Variants in FRMD7 observed in about 807,000 individuals in gnomAD.
The protein encoded by FRMD7 is FERM domain containing 7, also known as FERM domain-containing protein 7.
In FRMD7, 14 loss-of-function variants were observed where a neutral mutation model predicts 44.1. That is an observed-to-expected ratio of 0.32 (90% CI 0.21 to 0.50). The LOEUF (loss-of-function observed/expected upper bound fraction) is 0.50. Among genes scored for constraint, FRMD7 ranks in the 20% least tolerant of loss-of-function variants. FRMD7 has a pLI of 0.99. For missense variants in FRMD7, 501 were observed against 522.3 expected (o/e 0.96, Z 0.40); for synonymous variants, 212 against 187.4 (o/e 1.13, Z -1.07).
intron 1 of FRMD7, among the ~76,000 whole-genome samples, chrX:132,109,089 C>G (rs1479163664): frequency 6.2e-5 from 7 of 112,137 alleles, no homozygotes; most frequent in Non-Finnish European, 1.3e-4. Context: ...TATTCAAGAT[C>G]TGCAATATTT....
intron 1 of FRMD7, among the ~76,000 whole-genome samples, chrX:132,102,193 C>T (rs935869857): frequency 9.0e-6 from 1 of 110,885 alleles, no homozygotes; most frequent in Non-Finnish European, 1.9e-5. Flanking sequence ...ACCCGCTTCC[C>T]CCACCGTCCA....
chrX:132,078,157 T>G lies in FRMD7; in HGVS notation c.1860A>C (p.Ala620=). 4 of 1,211,684 alleles carry G rather than the reference T, an allele frequency of 3.3e-6. No homozygotes were observed. The highest frequency in any genetic ancestry group is 4.5e-6 in the Non-Finnish European group (4 of 895,209). ...LGPCPALSHK[A]DLFTDMFAEQ... ...CTGCAAACATATCCGTAAACAGGTC[T>G]GCTTTATGACTGAGAGCAGGACAAG... The change falls in exon 12 of 12, where the codon GCA becomes GCC. Residue 620 remains alanine, a synonymous_variant. Coordinates refer to ENST00000298542, the MANE Select transcript of FRMD7 (RefSeq NM_194277.3).
chrX:132,111,213 T>A (rs1928769893), intron 1 of FRMD7, among the ~76,000 whole-genome samples: 1 of 112,373 alleles, frequency 8.9e-6, no homozygotes, highest in Non-Finnish European at 1.9e-5. Flanking sequence ...GTCCAGCACC[T>A]GGCATTTTCT....
chrX:132,084,393 G>A, intron 8 of FRMD7, 97 bp downstream of exon 8: 1 of 573,196 alleles, frequency 1.7e-6, no homozygotes, highest in Non-Finnish European at 3.1e-6. Flanking sequence ...CTCAGGGCCA[G>A]CCGGCTTTTA....
intron 1 of FRMD7, among the ~76,000 whole-genome samples, chrX:132,104,943 G>A (rs1928607038): frequency 8.9e-6 from 1 of 112,307 alleles, no homozygotes; most frequent in Admixed American, 9.4e-5. Context: ...AATGGCAAGA[G>A]TTGTTTCTAT....
At chrX:132,081,707 AAAG>A (rs1414496536) in intron 9 of FRMD7, among the ~76,000 whole-genome samples, 2 of 112,866 alleles carry the variant, frequency 1.8e-5, no homozygotes, top group Non-Finnish European at 3.7e-5. Flanking sequence ...TACCTAGCTA[AAAG>A]TTTTGAAAAC....
chrX:132,089,358 G>T (rs1265335093), intron 5 of FRMD7, among the ~76,000 whole-genome samples: 1 of 111,972 alleles, frequency 8.9e-6, no homozygotes, highest in Non-Finnish European at 1.9e-5. Context: ...CAAAAAAATA[G>T]CTCAAAATGG....
In FRMD7 at chrX:132,078,498, T is replaced by C; in HGVS notation, c.1519A>G (p.Arg507Gly). ...FYVDKPPQVP[R>G]WSPIRAEERT... ...TCCTCTGCTCTAATTGGGGACCATC[T>C]GGGCACCTGGGGTGGCTTGTCCACA... The change falls in exon 12 of 12, where the codon AGA becomes GGA. Residue 507 changes from arginine to glycine, a missense_variant. Arg to Gly is a moderately radical substitution (Grantham distance 125, BLOSUM62 -2). Coordinates refer to ENST00000298542, the MANE Select transcript of FRMD7 (RefSeq NM_194277.3). The C allele has an allele frequency of 8.3e-7, 1 of 1,210,638 alleles. No individual in the cohort carries two copies.
At chrX:132,087,471 A>G (rs1602801726) in intron 5 of FRMD7, among the ~76,000 whole-genome samples, 1 of 111,358 alleles carries the variant, frequency 9.0e-6, no homozygotes, top group East Asian at 2.8e-4. Flanking sequence ...AAAAATCACA[A>G]TATAATAAAA....
At chrX:132,091,725 C>T (rs1181693459) in intron 5 of FRMD7, among the ~76,000 whole-genome samples, 1 of 107,289 alleles carries the variant, frequency 9.3e-6, no homozygotes, top group African/African-American at 3.4e-5. Context: ...ATCCCAGCTA[C>T]TCAGGAGGTT....
chrX:132,090,933 T>C (rs951855935), intron 5 of FRMD7, among the ~76,000 whole-genome samples: 2 of 110,800 alleles, frequency 1.8e-5, no homozygotes, highest in Admixed American at 9.6e-5. Flanking sequence ...AGGTGACAAA[T>C]GTTATAAGCA....
intron 5 of FRMD7, among the ~76,000 whole-genome samples, chrX:132,091,795 A>C (rs1015005292): frequency 9.0e-6 from 1 of 111,340 alleles, no homozygotes; most frequent in African/African-American, 3.3e-5. Flanking sequence ...AGATCGCCCC[A>C]CTGCACTCCA....
At chrX:132,079,048 G>T in intron 11 of FRMD7, 82 bp from the exon 12 acceptor site, 1 of 809,754 alleles carries the variant, frequency 1.2e-6, no homozygotes, top group Non-Finnish European at 1.9e-6. Context: ...TAGCCTCAAA[G>T]TTTGAAAGGT....
In FRMD7 at chrX:132,094,124, A is replaced by C; in HGVS notation, c.300T>G (p.Leu100=). ...REELTRYLFT[L]QIKKDLALGR... ...CTAGAGCCAAATCCTTCTTTATTTGAAGAGTAAAAAGATACCTGCAAAGAA... is the reference window on the plus strand; with the variant it reads ...CTAGAGCCAAATCCTTCTTTATTTGCAGAGTAAAAAGATACCTGCAAAGAA... The change falls in exon 5 of 12, where the codon CTT becomes CTG. Residue 100 remains leucine, a synonymous_variant. Coordinates refer to ENST00000298542, the MANE Select transcript of FRMD7 (RefSeq NM_194277.3). The C allele has an allele frequency of 8.9e-7, 1 of 1,120,379 alleles. No homozygotes were observed. Among genetic ancestry groups the C allele is most frequent in the Admixed American group, 2.2e-5 (1 of 45,954 alleles). 92.3% of individuals were successfully genotyped at this position (1,120,379 alleles called of 1,213,427 possible). A position where few individuals can be genotyped will look rare whatever the true frequency, so the allele number is the denominator to read the frequency against.
chrX:132,081,398 G>A (rs952363095), intron 9 of FRMD7, among the ~76,000 whole-genome samples: 3 of 112,505 alleles, frequency 2.7e-5, no homozygotes, highest in South Asian at 3.6e-4. Context: ...AGTCTAAAGA[G>A]TCTGGATGAT....
At chrX:132,100,992 C>A (rs757155555) in intron 1 of FRMD7, among the ~76,000 whole-genome samples, 12 of 111,857 alleles carry the variant, frequency 1.1e-4, no homozygotes, top group Non-Finnish European at 2.1e-4. Flanking sequence ...TGCAAATTTA[C>A]CCTTTCAATG....
In FRMD7 at chrX:132,078,287, G is replaced by C. The variant is rs752045112; in HGVS notation, c.1730C>G (p.Ala577Gly). 7.4e-6 allele frequency: 9 copies of C among 1,209,634 alleles called. No individual in the cohort carries two copies. Among genetic ancestry groups the C allele is most frequent in the Non-Finnish European group, 1.0e-5 (9 of 894,649 alleles). ...TTGCTCTTGAATGTTACATACAAAT[G>C]CATCTTCCAAATTTGGGTCTTCCTC... ...LEEEDPNLED[A>G]FVCNIQEQTP... The change falls in exon 12 of 12, where the codon GCA becomes GGA. Residue 577 changes from alanine (A) to glycine (G), a missense_variant. By Grantham distance (60) the Ala-to-Gly change is moderately conservative. This residue lies in a region of FRMD7 where 453 missense variants were observed against 452.7 expected (regional missense o/e 1.00). Coordinates refer to ENST00000298542, the MANE Select transcript of FRMD7 (RefSeq NM_194277.3).
Position 132,082,348 on chromosome X carries a change from G to A in FRMD7, c.905+15C>T, listed in dbSNP as rs371831282. ...AGCAGTGTGAGCAGTTTGCCTATGTGCATTGTTTAATTACCTATAGCGGAA... is the reference window on the plus strand; with the variant it reads ...AGCAGTGTGAGCAGTTTGCCTATGTACATTGTTTAATTACCTATAGCGGAA... On this transcript the variant is annotated intron_variant, in intron 9 of 11. Coordinates refer to ENST00000298542, the MANE Select transcript of FRMD7 (RefSeq NM_194277.3). The A allele has an allele frequency of 5.0e-6, 6 of 1,196,167 alleles. No individual in the cohort carries two copies. The African/African-American group carries it at 1.1e-4, about 21-fold the overall frequency.
chrX:132,125,267 G>C (rs767373680), intron 1 of FRMD7, among the ~76,000 whole-genome samples: 3 of 111,774 alleles, frequency 2.7e-5, no homozygotes, highest in Non-Finnish European at 5.6e-5. Context: ...ATGTCAATGA[G>C]CTTTCTCCAG....
Sources: allele counts gnomAD v4.1 joint callset (sites outside exome capture counted in the v4.1 genomes callset), GRCh38; gene constraint gnomAD v4.1.1; regional missense constraint gnomAD v4.1.1; transcripts MANE v1.5; gene names NCBI Gene and HGNC (gene_info 2026-07-23, HGNC 2026-07-21).